DYNC2I1: variants seen among roughly 807,000 people sequenced by gnomAD.
DYNC2I1 encodes the protein dynein 2 intermediate chain 1.
A neutral mutation model predicts 133.4 loss-of-function variants in DYNC2I1; 89 were observed. The observed-to-expected ratio is 0.67, with a 90% CI of 0.56 to 0.80. The LOEUF (loss-of-function observed/expected upper bound fraction) is 0.80, where lower values mean the gene tolerates loss of function less well. Ranked by LOEUF, DYNC2I1 falls within the 30% of genes least tolerant of loss-of-function variation. The pLI, the probability that DYNC2I1 is intolerant of heterozygous loss-of-function variation, is 0.00. For synonymous variants in DYNC2I1, 504 were observed against 484.3 expected (o/e 1.04, Z -0.54); for missense variants, 1,291 against 1,314.5 (o/e 0.98, Z 0.28).
intron 11 of DYNC2I1, among the ~76,000 whole-genome samples, chr7:158,907,081 C>T (rs536983989): frequency 2.8e-4 from 43 of 152,022 alleles, no homozygotes; most frequent in African/African-American, 8.4e-4. Flanking sequence ...CACCATTGCA[C>T]TCCAGCCTTG....
At chr7:158,895,108 C>T (rs1845641667) in intron 8 of DYNC2I1, among the ~76,000 whole-genome samples, 1 of 152,146 alleles carries the variant, frequency 6.6e-6, no homozygotes, top group African/African-American at 2.4e-5. Context: ...GACTTGTCTT[C>T]CTGTTGACAT....
At chr7:158,949,167 A>G (rs1851976657), downstream of DYNC2I1, among the ~76,000 whole-genome samples, 1 of 152,218 alleles carries the variant, frequency 6.6e-6, no homozygotes, top group African/African-American at 2.4e-5. Context: ...TTGGAGACTC[A>G]ACACCAGGAA....
At chr7:158,893,609 G>A (rs1257613559) in intron 8 of DYNC2I1, among the ~76,000 whole-genome samples, 1 of 152,168 alleles carries the variant, frequency 6.6e-6, no homozygotes, top group African/African-American at 2.4e-5. Flanking sequence ...TGTGGCTGCT[G>A]CTGTTGCCAG....
At chr7:158,854,288 A>G (rs921887716), upstream of DYNC2I1, among the ~76,000 whole-genome samples, 1 of 152,178 alleles carries the variant, frequency 6.6e-6, no homozygotes, top group Non-Finnish European at 1.5e-5. Flanking sequence ...CTTTAGCTGC[A>G]TGACTCCTAA....
chr7:158,925,655 C>T (rs534339621), intron 17 of DYNC2I1, among the ~76,000 whole-genome samples: 28 of 152,190 alleles, frequency 1.8e-4, no homozygotes, highest in Middle Eastern at 6.8e-3. Context: ...CATTGTGCCT[C>T]GAGGTGGTAG....
chr7:158,934,605 G>A lies in DYNC2I1; in HGVS notation c.2778+56G>A, dbSNP rs183265292. On this transcript the variant is annotated intron_variant, in intron 23 of 24. Coordinates refer to ENST00000407559, the MANE Select transcript of DYNC2I1 (RefSeq NM_018051.5). ...TCTTCTTTTTTTGTTTTTTGAGACA[G>A]GGTCTTGCTCTGTCACCCAAGCTGG... 4.6e-6 allele frequency: 7 copies of A among 1,522,542 alleles called. No homozygotes were observed. The South Asian group carries it at 8.7e-5, about 19-fold the overall frequency. 94.3% of individuals were successfully genotyped at this position (1,522,542 alleles called of 1,614,324 possible).
intron 23 of DYNC2I1, among the ~76,000 whole-genome samples, chr7:158,941,330 T>C (rs1433348531): frequency 6.6e-6 from 1 of 152,246 alleles, no homozygotes; most frequent in Non-Finnish European, 1.5e-5. Context: ...CCAATCTTAA[T>C]GGCCCATATT....
intron 10 of DYNC2I1, chr7:158,903,199 G>C (rs1357525698): frequency 2.0e-5 from 3 of 152,146 alleles, no homozygotes; most frequent in African/African-American, 7.2e-5. Context: ...CACGAAGCAT[G>C]CTCTTGATCC....
intron 12 of DYNC2I1, among the ~76,000 whole-genome samples, 168 bp downstream of exon 12, chr7:158,911,847 C>G (rs552023288): frequency 6.6e-6 from 1 of 152,188 alleles, no homozygotes; most frequent in African/African-American, 2.4e-5. Context: ...CCCATTCACC[C>G]GAGAGGCCGG....
upstream of DYNC2I1, among the ~76,000 whole-genome samples, chr7:158,855,752 C>T (rs944490880): frequency 7.2e-5 from 11 of 152,214 alleles, no homozygotes; most frequent in African/African-American, 2.6e-4. Context: ...GGCTTTCAGC[C>T]CTAACTTTCC....
At chr7:158,928,161 G>A (rs993405612) in intron 20 of DYNC2I1, among the ~76,000 whole-genome samples, 1 of 152,188 alleles carries the variant, frequency 6.6e-6, no homozygotes, top group Non-Finnish European at 1.5e-5. Context: ...ACCTCTCACA[G>A]GTGGCTGCTC....
At chr7:158,938,642 G>A (rs1851018480) in intron 23 of DYNC2I1, among the ~76,000 whole-genome samples, 1 of 152,130 alleles carries the variant, frequency 6.6e-6, no homozygotes, top group Non-Finnish European at 1.5e-5. Context: ...TGTAATCCCA[G>A]CTACTAAGGA....
chr7:158,924,826 C>T (rs970600392), intron 17 of DYNC2I1, among the ~76,000 whole-genome samples: 5 of 152,046 alleles, frequency 3.3e-5, no homozygotes, highest in African/African-American at 1.2e-4. Flanking sequence ...ACGATCTTAG[C>T]TCACTGGAAT....
chr7:158,916,624 T>C (rs552346295), intron 14 of DYNC2I1, among the ~76,000 whole-genome samples: 4 of 69,860 alleles, frequency 5.7e-5, no homozygotes, highest in African/African-American at 2.0e-4. Context: ...AGGATGATTG[T>C]GAAACGTCTA....
intron 3 of DYNC2I1, among the ~76,000 whole-genome samples, chr7:158,872,196 G>A (rs1842950371): frequency 6.6e-6 from 1 of 152,102 alleles, no homozygotes; most frequent in African/African-American, 2.4e-5. Context: ...CTTGCCTGTA[G>A]TTCTAGCTAT....
Position 158,930,532 on chromosome 7 carries a change from A to G in DYNC2I1, c.2546+17A>G. ...GGGTGACAGGTAAGATGTGAGGGAA[A>G]ATGCTTCACTATCTCACAAAGACCT... is the stretch of plus-strand genomic sequence containing the variant. On this transcript the variant is annotated intron_variant, in intron 21 of 24. Coordinates refer to ENST00000407559, the MANE Select transcript of DYNC2I1 (RefSeq NM_018051.5). 1 of 1,606,966 alleles carries G rather than the reference A, an allele frequency of 6.2e-7. No homozygotes were observed. The highest frequency in any genetic ancestry group is 8.5e-7 in the Non-Finnish European group (1 of 1,175,560).
At chr7:158,903,677 C>G (rs1221077563) in intron 10 of DYNC2I1, 2 of 152,212 alleles carry the variant, frequency 1.3e-5, no homozygotes, top group Non-Finnish European at 2.9e-5. Flanking sequence ...GGGACTGTTT[C>G]CCTCAGTTCC....
At chr7:158,860,936 T>C (rs958662697) in intron 1 of DYNC2I1, among the ~76,000 whole-genome samples, 28 of 152,222 alleles carry the variant, frequency 1.8e-4, no homozygotes, top group African/African-American at 6.8e-4. Context: ...ACCAATCCGC[T>C]TGTGGGGTTC....
chr7:158,865,542 T>G (rs1421863995), intron 1 of DYNC2I1, among the ~76,000 whole-genome samples: 2 of 152,162 alleles, frequency 1.3e-5, no homozygotes, highest in Non-Finnish European at 2.9e-5. Flanking sequence ...CCAGGACAGG[T>G]GCTTGCAGAT....
Sources: allele counts gnomAD v4.1 joint callset (sites outside exome capture counted in the v4.1 genomes callset), GRCh38; gene constraint gnomAD v4.1.1; transcripts MANE v1.5; gene names NCBI Gene and HGNC (gene_info 2026-07-23, HGNC 2026-07-21).